ANO6: variants seen among roughly 807,000 people sequenced by gnomAD.
ANO6 encodes anoctamin 6, also known as anoctamin-6.
A neutral mutation model predicts 117.5 loss-of-function variants in ANO6; 106 were observed. The observed-to-expected ratio is 0.90, with a 90% CI of 0.77 to 1.06. ANO6 has a LOEUF of 1.06. ANO6 is among the 50% of genes least tolerant of loss of function. The pLI is 0.00. For missense variants in ANO6, 955 were observed against 1,121.1 expected (o/e 0.85, Z 2.12); for synonymous variants, 367 against 385.1 (o/e 0.95, Z 0.55).
At chr12:45,225,944 A>ATTTACATATTGATTGATTG (rs1947476576) in intron 1 of ANO6, among the ~76,000 whole-genome samples, 1 of 152,224 alleles carries the variant, frequency 6.6e-6, no homozygotes, top group Non-Finnish European at 1.5e-5. Flanking sequence ...AATCATATGT[A>ATTTACATATTGATTGATTG]AAGATACAGA....
chr12:45,329,304 T>C (rs905709233), intron 2 of ANO6, among the ~76,000 whole-genome samples: 24 of 152,186 alleles, frequency 1.6e-4, no homozygotes, highest in African/African-American at 5.5e-4. Context: ...TGCCAAGAGA[T>C]AGGAAACCTG....
At chr12:45,216,450 C>A in intron 1 of ANO6, 59 bp downstream of exon 1, 1 of 1,572,344 alleles carries the variant, frequency 6.4e-7, no homozygotes, top group South Asian at 1.1e-5. Context: ...GGAAGAAGTT[C>A]GGGGACTGCG....
intron 2 of ANO6, among the ~76,000 whole-genome samples, chr12:45,310,929 T>C (rs1290651772): frequency 6.6e-6 from 1 of 152,060 alleles, no homozygotes; most frequent in Non-Finnish European, 1.5e-5. Flanking sequence ...TTTAAGCAGA[T>C]GGTTTGTGAA....
chr12:45,310,054 G>C (rs1189313182), intron 2 of ANO6, among the ~76,000 whole-genome samples: 1 of 152,120 alleles, frequency 6.6e-6, no homozygotes, highest in Non-Finnish European at 1.5e-5. Flanking sequence ...AGAACCGAAG[G>C]TGATGGAATG....
At chr12:45,343,030 T>C (rs1215444944) in intron 3 of ANO6, among the ~76,000 whole-genome samples, 1 of 151,996 alleles carries the variant, frequency 6.6e-6, no homozygotes, top group South Asian at 2.1e-4. Flanking sequence ...GCTGCCCTTT[T>C]CTCTGTAAGG....
At chr12:45,403,985 A>G (rs1004343457) in intron 15 of ANO6, among the ~76,000 whole-genome samples, 8 of 151,966 alleles carry the variant, frequency 5.3e-5, no homozygotes, top group Non-Finnish European at 8.8e-5. Flanking sequence ...TACATCATTT[A>G]ATCTACCAAA....
intron 1 of ANO6, among the ~76,000 whole-genome samples, chr12:45,222,184 C>T (rs546595864): frequency 7.0e-6 from 1 of 142,670 alleles, no homozygotes; most frequent in Non-Finnish European, 1.5e-5. Context: ...CCCGGCCCCC[C>T]CACTCCAGCT....
chr12:45,329,395 T>C (rs775379632), intron 2 of ANO6, among the ~76,000 whole-genome samples: 6 of 152,116 alleles, frequency 3.9e-5, no homozygotes, highest in East Asian at 1.9e-4. Flanking sequence ...GACCTACTTA[T>C]TACACACAGG....
At chr12:45,291,917 A>T (rs555930827) in intron 1 of ANO6, among the ~76,000 whole-genome samples, 1 of 152,322 alleles carries the variant, frequency 6.6e-6, no homozygotes, top group South Asian at 2.1e-4. Context: ...GCAATTCCTT[A>T]AAAAGCAAAC....
At chr12:45,219,476 C>T (rs1460788479) in intron 1 of ANO6, among the ~76,000 whole-genome samples, 2 of 151,230 alleles carry the variant, frequency 1.3e-5, no homozygotes, top group Non-Finnish European at 2.9e-5. Flanking sequence ...GCTGGGACCA[C>T]AGGCCTTGTG....
intron 1 of ANO6, among the ~76,000 whole-genome samples, chr12:45,242,204 G>GC (rs1592859865): frequency 1.3e-5 from 2 of 152,224 alleles, no homozygotes; most frequent in South Asian, 2.1e-4. Flanking sequence ...AGTAGGCTTT[G>GC]TTGTGCTGTG....
chr12:45,297,355 G>C (rs1939329187), intron 1 of ANO6, among the ~76,000 whole-genome samples: 2 of 152,198 alleles, frequency 1.3e-5, no homozygotes. Flanking sequence ...TTTTAACCAA[G>C]AGTTTCCTGA....
intron 9 of ANO6, among the ~76,000 whole-genome samples, chr12:45,369,554 C>T (rs181002140): frequency 1.2e-3 from 179 of 151,594 alleles, no homozygotes; most frequent in Admixed American, 6.5e-3. Flanking sequence ...TGAAGAATCC[C>T]TTGAGTCTTG....
intron 2 of ANO6, among the ~76,000 whole-genome samples, chr12:45,322,698 C>A (rs531827802): frequency 6.6e-6 from 1 of 152,180 alleles, no homozygotes; most frequent in South Asian, 2.1e-4. Context: ...ATAGATGGAA[C>A]AGATTGAAAG....
At chr12:45,391,506 T>G (rs1038550564) in intron 12 of ANO6, among the ~76,000 whole-genome samples, 4 of 152,062 alleles carry the variant, frequency 2.6e-5, no homozygotes, top group Non-Finnish European at 5.9e-5. Flanking sequence ...GTTAGCTATT[T>G]GGGGGGACAA....
intron 3 of ANO6, among the ~76,000 whole-genome samples, chr12:45,337,599 GA>G (rs1940863296): frequency 6.6e-6 from 1 of 152,072 alleles, no homozygotes; most frequent in Non-Finnish European, 1.5e-5. Context: ...AAAAAAAGTT[GA>G]ATTCATAGAA....
At chr12:45,329,820 T>C (rs1211558120) in intron 2 of ANO6, among the ~76,000 whole-genome samples, 1 of 152,146 alleles carries the variant, frequency 6.6e-6, no homozygotes, top group African/African-American at 2.4e-5. Flanking sequence ...TCACCCATAG[T>C]ATAGTCCTCA....
intron 1 of ANO6, among the ~76,000 whole-genome samples, chr12:45,240,235 A>G (rs982238529): frequency 6.6e-6 from 1 of 151,336 alleles, no homozygotes; most frequent in Non-Finnish European, 1.5e-5. Context: ...TATTTAAGAG[A>G]GTTAGTTCTT....
intron 7 of ANO6, among the ~76,000 whole-genome samples, chr12:45,355,368 G>A (rs1318945358): frequency 2.0e-5 from 3 of 152,076 alleles, no homozygotes; most frequent in Non-Finnish European, 4.4e-5. Context: ...GGATGCCTTA[G>A]AAAGTATTGA....
Sources: gnomAD v4.1 joint callset for allele counts (sites outside exome capture counted in the v4.1 genomes callset) on GRCh38, gnomAD v4.1.1 for gene constraint, MANE v1.5 for transcripts, NCBI Gene and HGNC (gene_info 2026-07-23, HGNC 2026-07-21) for gene names.